The following RAB38 variants were observed in gnomAD, a reference collection of about 807,000 sequenced individuals.
RAB38 encodes RAB38, member RAS oncogene family.
RAB38 carries 15 observed loss-of-function variants against 18.4 expected under a neutral mutation model. That is an observed-to-expected ratio of 0.82 (90% CI 0.55 to 1.26). The LOEUF (loss-of-function observed/expected upper bound fraction) is 1.26. Among genes scored for constraint, RAB38 ranks in the 50% most tolerant of loss-of-function variants. RAB38 has a pLI of 0.00. For synonymous variants in RAB38, 101 were observed against 104.4 expected (o/e 0.97, Z 0.20); for missense variants, 294 against 267.4 (o/e 1.10, Z -0.69).
At chr11:88,076,344 A>T in the RAB38 span, among the ~76,000 whole-genome samples, 1 of 152,156 alleles carries the variant, frequency 6.6e-6, no homozygotes, top group Non-Finnish European at 1.5e-5. Flanking sequence ...ATTTAATGGC[A>T]TTTCCTCTAA....
the RAB38 span, among the ~76,000 whole-genome samples, chr11:87,834,890 G>A: frequency 6.6e-6 from 1 of 152,124 alleles, no homozygotes; most frequent in Non-Finnish European, 1.5e-5. Context: ...TAAATGTTTT[G>A]TATTATGATT....
chr11:87,956,083 A>G, the RAB38 span, among the ~76,000 whole-genome samples: 2 of 144,666 alleles, frequency 1.4e-5, no homozygotes, highest in East Asian at 4.1e-4. Flanking sequence ...CTGAGCTAAT[A>G]AAATAATTTT....
intron 1 of RAB38, chr11:88,166,770 A>T (rs1943250432): frequency 1.3e-5 from 2 of 152,226 alleles, no homozygotes; most frequent in African/African-American, 2.4e-5. Context: ...AAAAAAATAG[A>T]ATGTCTCCTT....
At chr11:87,805,927 C>T in the RAB38 span, among the ~76,000 whole-genome samples, 13 of 152,106 alleles carry the variant, frequency 8.5e-5, no homozygotes, top group East Asian at 1.6e-3. Flanking sequence ...GTTTAGTGGG[C>T]CTCCCCACGT....
Position 88,150,014 on chromosome 11 carries a change from A to G in RAB38, c.203-59T>C, listed in dbSNP as rs999870902. ...TTAAAATTGCAAACTGAATCATATT[A>G]TAACTTCATGAAGCCTCCAAGATGA... On this transcript the variant is annotated intron_variant, in intron 1 of 2. Transcript: ENST00000243662. The G allele has an allele frequency of 4.6e-6, 7 of 1,527,296 alleles. No homozygotes were observed. The East Asian group carries it at 9.0e-5, about 20-fold the overall frequency. 94.6% of individuals were successfully genotyped at this position (1,527,296 alleles called of 1,614,324 possible).
chr11:88,034,781 G>A, the RAB38 span, among the ~76,000 whole-genome samples: 5 of 152,108 alleles, frequency 3.3e-5, no homozygotes, highest in African/African-American at 9.7e-5. Flanking sequence ...CTGGTGTGAG[G>A]CAATATTGCC....
the RAB38 span, among the ~76,000 whole-genome samples, chr11:87,891,631 A>G: frequency 6.6e-6 from 1 of 151,840 alleles, no homozygotes; most frequent in African/African-American, 2.4e-5. Flanking sequence ...TCTGGCTACA[A>G]AATTCTTCTC....
the RAB38 span, among the ~76,000 whole-genome samples, chr11:87,907,597 C>G: frequency 6.6e-6 from 1 of 151,220 alleles, no homozygotes; most frequent in African/African-American, 2.4e-5. Flanking sequence ...CTTTCCTATT[C>G]CAATATATAA....
At chr11:87,976,868 A>AT in the RAB38 span, among the ~76,000 whole-genome samples, 6 of 67,808 alleles carry the variant, frequency 8.8e-5, 3 homozygotes, top group African/African-American at 3.1e-4. Flanking sequence ...ATTATATATT[A>AT]TATGTTATAT....
chr11:87,863,159 T>G, the RAB38 span, among the ~76,000 whole-genome samples: 1 of 151,858 alleles, frequency 6.6e-6, no homozygotes, highest in Non-Finnish European at 1.5e-5. Context: ...TAGAATGGTC[T>G]TCCAATGTTA....
At chr11:88,031,507 A>G in the RAB38 span, among the ~76,000 whole-genome samples, 1 of 152,056 alleles carries the variant, frequency 6.6e-6, no homozygotes, top group Non-Finnish European at 1.5e-5. Context: ...AATCTCCTTA[A>G]GCTGATAAGC....
the RAB38 span, among the ~76,000 whole-genome samples, chr11:87,886,899 A>G: frequency 6.6e-6 from 1 of 150,618 alleles, no homozygotes; most frequent in Non-Finnish European, 1.5e-5. Flanking sequence ...CAATGGATAT[A>G]TATTGCATCA....
chr11:87,939,843 G>A, the RAB38 span, among the ~76,000 whole-genome samples: 3 of 152,110 alleles, frequency 2.0e-5, no homozygotes, highest in East Asian at 1.9e-4. Flanking sequence ...AGTGAGCTAC[G>A]AGCGTGCCAC....
the RAB38 span, among the ~76,000 whole-genome samples, chr11:87,956,562 AC>A: frequency 0.04 from 6,104 of 151,876 alleles, 425 homozygotes; most frequent in African/African-American, 0.14. Flanking sequence ...AGGATAATTA[AC>A]CCCTACGTGT....
intron 1 of RAB38, among the ~76,000 whole-genome samples, chr11:88,153,363 A>G (rs1943086299): frequency 1.3e-5 from 2 of 152,226 alleles, no homozygotes; most frequent in Admixed American, 6.5e-5. Context: ...TAAAATGTAT[A>G]TCTAGCAGTA....
At chr11:87,971,770 A>T in the RAB38 span, among the ~76,000 whole-genome samples, 1 of 151,932 alleles carries the variant, frequency 6.6e-6, no homozygotes, top group Non-Finnish European at 1.5e-5. Context: ...TTAAAGAACC[A>T]CCTTTGATTA....
intron 1 of RAB38, among the ~76,000 whole-genome samples, chr11:88,156,419 C>G (rs922875614): frequency 6.6e-6 from 1 of 152,154 alleles, no homozygotes; most frequent in African/African-American, 2.4e-5. Flanking sequence ...AATGTCATAT[C>G]CCAGCTGGGT....
chr11:88,171,411 T>C (rs1943310431), intron 1 of RAB38, among the ~76,000 whole-genome samples: 1 of 152,192 alleles, frequency 6.6e-6, no homozygotes, highest in Admixed American at 6.5e-5. Flanking sequence ...CACAGGAAAA[T>C]TAAATAATCA....
the RAB38 span, among the ~76,000 whole-genome samples, chr11:88,020,109 A>C: frequency 1.4e-3 from 210 of 152,324 alleles, 1 homozygote; most frequent in African/African-American, 4.8e-3. Context: ...AACTGAAGAT[A>C]TTGACAAGTA....
Sources: gnomAD v4.1 joint callset for allele counts (sites outside exome capture counted in the v4.1 genomes callset) on GRCh38, gnomAD v4.1.1 for gene constraint, MANE v1.5 for transcripts, NCBI Gene and HGNC (gene_info 2026-07-23, HGNC 2026-07-21) for gene names.